SDK1: variants seen among roughly 807,000 people sequenced by gnomAD.
SDK1 encodes protein sidekick-1.
Under a neutral mutation model 245.5 loss-of-function variants are expected in SDK1, and 157 were observed. That is an observed-to-expected ratio of 0.64 (90% CI 0.56 to 0.73). The LOEUF is 0.73. Ranked by LOEUF, SDK1 falls within the 30% of genes least tolerant of loss-of-function variation. The pLI, the probability that SDK1 is intolerant of heterozygous loss-of-function variation, is 0.00. For synonymous variants in SDK1, 1,647 were observed against 1,278.5 expected (o/e 1.29, Z -6.15); for missense variants, 3,583 against 3,002.3 (o/e 1.19, Z -4.52).
chr7:3,361,079 T>TG, intron 1 of SDK1, among the ~76,000 whole-genome samples: 1 of 152,212 alleles, frequency 6.6e-6, no homozygotes, highest in Non-Finnish European at 1.5e-5. Context: ...TTAAAAACCG[T>TG]ATTGATCAAA....
intron 5 of SDK1, among the ~76,000 whole-genome samples, chr7:3,949,591 C>G (rs1433207658): frequency 6.6e-6 from 1 of 152,176 alleles, no homozygotes; most frequent in Non-Finnish European, 1.5e-5. Flanking sequence ...ATTTTTATTT[C>G]CAGCCTCTTA....
At chr7:4,249,718 AT>A (rs1312612435) in intron 44 of SDK1, among the ~76,000 whole-genome samples, 1 of 152,186 alleles carries the variant, frequency 6.6e-6, no homozygotes, top group Non-Finnish European at 1.5e-5. Context: ...ACCTTGCTGC[AT>A]CCTGCTTTTG....
At chr7:4,104,531 T>G (rs1782780529) in intron 22 of SDK1, among the ~76,000 whole-genome samples, 1 of 152,234 alleles carries the variant, frequency 6.6e-6, no homozygotes, top group Non-Finnish European at 1.5e-5. Flanking sequence ...ATAGCTGGTT[T>G]TATTTCTAAC....
rs1554311456 is a variant in SDK1, at chr7:4,026,796, T to C, written c.2602+9444T>C. On this transcript the variant is annotated intron_variant, in intron 17 of 44. Coordinates refer to ENST00000404826, the MANE Select transcript of SDK1 (RefSeq NM_152744.4). This position sits in a 1 kb window ranked among gnomAD's most constrained non-coding sequence, Gnocchi z 4.1. ...AGAACTCAGCCGTGGCCCATAACAA[T>C]CTGGAATTAACGATAACACCCGGCA... Among the ~76,000 whole-genome samples the C allele has an allele frequency of 6.6e-6, 1 of 152,050 alleles. No homozygotes were observed. The highest frequency in any genetic ancestry group is 1.5e-5 in the Non-Finnish European group (1 of 68,014).
At chr7:3,867,035 G>A (rs546747584) in intron 5 of SDK1, among the ~76,000 whole-genome samples, 12 of 152,306 alleles carry the variant, frequency 7.9e-5, no homozygotes, top group East Asian at 1.9e-4. Flanking sequence ...GGAAATAAAC[G>A]TGGCTGGTAT....
intron 4 of SDK1, among the ~76,000 whole-genome samples, chr7:3,785,256 T>A (rs1031461602): frequency 2.6e-5 from 4 of 151,330 alleles, no homozygotes; most frequent in African/African-American, 9.7e-5. Context: ...CAAGAGGAAT[T>A]TTTTTTTTAG....
chr7:3,913,298 T>G (rs1779247394), intron 5 of SDK1, among the ~76,000 whole-genome samples: 1 of 149,748 alleles, frequency 6.7e-6, no homozygotes, highest in Non-Finnish European at 1.5e-5. Context: ...TTATCTTTTT[T>G]TTTTTTTTTT....
intron 4 of SDK1, among the ~76,000 whole-genome samples, chr7:3,762,331 G>A (rs1780130295): frequency 6.6e-6 from 1 of 152,186 alleles, no homozygotes; most frequent in South Asian, 2.1e-4. Context: ...GACTGCACCT[G>A]CTGCAGCGCT....
At chr7:3,894,349 G>A (rs1459709239) in intron 5 of SDK1, among the ~76,000 whole-genome samples, 1 of 151,854 alleles carries the variant, frequency 6.6e-6, no homozygotes, top group South Asian at 2.1e-4. Flanking sequence ...GAGCCAGGAG[G>A]TCTGGCGACT....
chr7:3,456,452 C>CT (rs1379395959), intron 1 of SDK1, among the ~76,000 whole-genome samples: 1 of 152,128 alleles, frequency 6.6e-6, no homozygotes, highest in Non-Finnish European at 1.5e-5. Context: ...ATTGCTCTAT[C>CT]TTCAAGTTCA....
chr7:4,057,483 G>C (rs1779275131), intron 19 of SDK1, among the ~76,000 whole-genome samples: 1 of 152,188 alleles, frequency 6.6e-6, no homozygotes. Context: ...AGACTGCTAA[G>C]GAGCCAGGGG....
At position 3,407,551 on chromosome 7, in the gene SDK1, A is replaced by G. The variant is rs919750923; in HGVS notation, c.298+105667A>G. Among the ~76,000 whole-genome samples, 3 of 152,222 alleles carry G rather than the reference A, an allele frequency of 2.0e-5. No homozygotes were observed. The South Asian group carries it at 6.2e-4, about 32-fold the overall frequency. ...TGGCGGGATACTTACATCCAGAAATATGTTATCTAAGGGTGTGATACTGGG... is the reference window on the plus strand; with the variant it reads ...TGGCGGGATACTTACATCCAGAAATGTGTTATCTAAGGGTGTGATACTGGG... On this transcript the variant is annotated intron_variant, in intron 1 of 44. Coordinates refer to ENST00000404826, the MANE Select transcript of SDK1 (RefSeq NM_152744.4).
At chr7:3,682,082 A>C (rs910535425) in intron 4 of SDK1, among the ~76,000 whole-genome samples, 2 of 152,230 alleles carry the variant, frequency 1.3e-5, no homozygotes, top group East Asian at 3.8e-4. Flanking sequence ...AGAATTTTGA[A>C]GTATCTGCCT....
chr7:3,720,857 A>G (rs190064760), intron 4 of SDK1, among the ~76,000 whole-genome samples: 142 of 152,342 alleles, frequency 9.3e-4, no homozygotes, highest in South Asian at 1.7e-3. Flanking sequence ...ATATCTTGCA[A>G]TAGACAAATA....
chr7:3,438,939 G>A (rs1467813232), intron 1 of SDK1, among the ~76,000 whole-genome samples: 2 of 146,356 alleles, frequency 1.4e-5, no homozygotes, highest in Non-Finnish European at 3.0e-5. Flanking sequence ...TGCAACCTCT[G>A]CCTCCTGGGT....
intron 1 of SDK1, among the ~76,000 whole-genome samples, chr7:3,496,280 T>C (rs17133448): frequency 0.097 from 14,789 of 152,142 alleles, 999 homozygotes; most frequent in African/African-American, 0.18. Context: ...TGTGGAAGCA[T>C]GTGTATGTTT....
intron 1 of SDK1, among the ~76,000 whole-genome samples, chr7:3,344,139 A>G (rs547811901): frequency 6.6e-6 from 1 of 152,318 alleles, no homozygotes; most frequent in Admixed American, 6.5e-5. Flanking sequence ...AACTGTGTGC[A>G]GGGGAAAAAA....
At chr7:3,722,901 G>A (rs1441205044) in intron 4 of SDK1, among the ~76,000 whole-genome samples, 2 of 152,206 alleles carry the variant, frequency 1.3e-5, no homozygotes, top group Non-Finnish European at 2.9e-5. Flanking sequence ...CCCCAAGATG[G>A]AGAGGAGAGC....
chr7:4,129,836 C>T, intron 26 of SDK1, 72 bp from the exon 27 acceptor site: 2 of 1,594,966 alleles, frequency 1.3e-6, no homozygotes, highest in South Asian at 1.1e-5. Flanking sequence ...ACGAAGGGGG[C>T]CTGCCCCATG....
Sources: allele counts gnomAD v4.1 joint callset (sites outside exome capture counted in the v4.1 genomes callset), GRCh38; gene constraint gnomAD v4.1.1; non-coding constraint Gnocchi (gnomAD v3.1); transcripts MANE v1.5; gene names NCBI Gene and HGNC (gene_info 2026-07-23, HGNC 2026-07-21).